RABEP1: variants seen among roughly 807,000 people sequenced by gnomAD.
RABEP1 encodes the protein rab GTPase-binding effector protein 1.
Under a neutral mutation model 123.4 loss-of-function variants are expected in RABEP1, and 51 were observed. That is an observed-to-expected ratio of 0.41 (90% CI 0.33 to 0.52). The LOEUF (loss-of-function observed/expected upper bound fraction) is 0.52, where lower values mean the gene tolerates loss of function less well. RABEP1 is among the 20% of genes least tolerant of loss of function. The probability of loss-of-function intolerance (pLI) is 0.16; values close to 1 mark genes in which losing one functional copy is unlikely to be tolerated. For synonymous variants in RABEP1, 347 were observed against 355.2 expected (o/e 0.98, Z 0.26); for missense variants, 888 against 996.3 (o/e 0.89, Z 1.46).
At position 5,367,913 on chromosome 17, in the gene RABEP1, C is replaced by A. The variant is rs146427497; in HGVS notation, c.1786-457C>A. 5.5e-3 allele frequency among the ~76,000 whole-genome samples: 834 copies of A among 151,030 alleles called. 14 individuals carry two copies. The highest frequency in any genetic ancestry group is 0.019 in the African/African-American group (788 of 41,394). On this transcript the variant is annotated intron_variant, in intron 11 of 17. Coordinates refer to ENST00000537505, the MANE Select transcript of RABEP1 (RefSeq NM_004703.6). ...TGGAATACAGGTGCCCGCCACCACA[C>A]CCAGCTAATTTTTTTTTACTTTTAG... is the stretch of plus-strand genomic sequence containing the variant.
At chr17:5,283,841 A>T (rs1324720925) in intron 1 of RABEP1, 1 of 152,208 alleles carries the variant, frequency 6.6e-6, no homozygotes, top group Non-Finnish European at 1.5e-5. Flanking sequence ...TCCAGTAAGC[A>T]TTTAGACTTT....
At chr17:5,328,010 T>A (rs1424786636) in intron 2 of RABEP1, among the ~76,000 whole-genome samples, 1 of 152,218 alleles carries the variant, frequency 6.6e-6, no homozygotes, top group Non-Finnish European at 1.5e-5. Context: ...ATATATGATA[T>A]ATTGAGACTG....
intron 1 of RABEP1, among the ~76,000 whole-genome samples, chr17:5,295,039 G>GT (rs755704708): frequency 6.6e-6 from 1 of 151,846 alleles, no homozygotes; most frequent in Non-Finnish European, 1.5e-5. Flanking sequence ...TTTATAGCAT[G>GT]TTTTTTCCCA....
At chr17:5,313,614 A>G (rs1289366389) in intron 2 of RABEP1, among the ~76,000 whole-genome samples, 1 of 152,232 alleles carries the variant, frequency 6.6e-6, no homozygotes, top group Non-Finnish European at 1.5e-5. Flanking sequence ...AGAGCTTGTA[A>G]CATGGGTTGG....
In RABEP1 at chr17:5,314,400, G is replaced by C. The variant is rs187581985; in HGVS notation, c.163+5578G>C. 1.1e-4 allele frequency among the ~76,000 whole-genome samples: 17 copies of C among 150,894 alleles called. No individual in the cohort carries two copies. In the East Asian group the frequency reaches 3.3e-3, roughly 29 times the overall value. On this transcript the variant is annotated intron_variant, in intron 2 of 17. Coordinates refer to ENST00000537505, the MANE Select transcript of RABEP1 (RefSeq NM_004703.6). ...TGGGACTACAGGCGGGTGCCACCACGCCCAGCTAGTTTTTGTATTTTTAGT... is the reference window on the plus strand; with the variant it reads ...TGGGACTACAGGCGGGTGCCACCACCCCCAGCTAGTTTTTGTATTTTTAGT...
chr17:5,381,470 C>G lies in RABEP1; in HGVS notation c.2452C>G (p.Gln818Glu). ...AGAATTAGATGTCAGTGAGCAAGTC[C>G]AGAGGGATTTTGTAAAGCTTTCACA... Reference protein sequence around the residue: ...QTELDVSEQVQRDFVKLSQTL... With the variant: ...QTELDVSEQVERDFVKLSQTL... The change falls in exon 17 of 18, where the codon CAG becomes GAG. Residue 818 changes from glutamine (Q) to glutamate (E), a missense_variant. By Grantham distance (29) the Gln-to-Glu change is conservative. Transcript: ENST00000537505. 2.5e-6 allele frequency: 4 copies of G among 1,613,576 alleles called. No individual in the cohort carries two copies. In the South Asian group the frequency reaches 4.4e-5, roughly 18 times the overall value.
At chr17:5,378,412 G>A (rs899992403) in intron 15 of RABEP1, 180 bp downstream of exon 15, 7 of 685,468 alleles carry the variant, frequency 1.0e-5, no homozygotes, top group Admixed American at 9.4e-5. Context: ...AGAGTGCCCT[G>A]TGTGTCAGGC....
chr17:5,345,501 AC>A (rs2144635462), intron 5 of RABEP1, among the ~76,000 whole-genome samples: 1 of 152,314 alleles, frequency 6.6e-6, no homozygotes, highest in African/African-American at 2.4e-5. Flanking sequence ...TATTAATTAA[AC>A]CAAATGTTTA....
At position 5,380,362 on chromosome 17, in the gene RABEP1, A is replaced by G; in HGVS notation, c.2272-2A>G. On this transcript the variant is annotated splice_acceptor_variant, in intron 15 of 17. Transcript: ENST00000537505. LOFTEE classifies it high-confidence loss of function. ...GAGTTTCAGCTTTTTCCTTTTTCAC[A>G]GTTGGAGTCCACATTAAGAGAGAAG... 1 of 1,552,228 alleles carries G rather than the reference A, an allele frequency of 6.4e-7. No homozygotes were observed. The highest frequency in any genetic ancestry group is 8.7e-7 in the Non-Finnish European group (1 of 1,144,680).
At chr17:5,282,588 C>G (rs2074936256) in intron 1 of RABEP1, 68 bp downstream of exon 1, 1 of 1,065,376 alleles carries the variant, frequency 9.4e-7, no homozygotes. Context: ...GGGAGGATTT[C>G]GGGGCGGGCA....
chr17:5,310,301 C>CTTTTTTTT (rs11432831), intron 2 of RABEP1, among the ~76,000 whole-genome samples: 11,360 of 125,040 alleles, frequency 0.091, 1,153 homozygotes, highest in East Asian at 0.11. Context: ...AAGCTTCGTC[C>CTTTTTTTT]TTTTTTTTTT....
In RABEP1 at chr17:5,386,203, G is replaced by T; in HGVS notation, c.*2980G>T. 6.2e-7 allele frequency: 1 copy of T among 1,611,538 alleles called. No homozygotes were observed. The highest frequency in any genetic ancestry group is 1.1e-5 in the South Asian group (1 of 90,772). ...TTCAGGTGTGAGTCAGCTCCTGGTG[G>T]TGTCAGAAGTTTACATGATTGCGGA... On this transcript the variant is annotated 3_prime_UTR_variant, in exon 18 of 18. Coordinates refer to ENST00000537505, the MANE Select transcript of RABEP1 (RefSeq NM_004703.6).
chr17:5,304,752 T>C (rs1484338867), intron 1 of RABEP1, among the ~76,000 whole-genome samples: 1 of 152,210 alleles, frequency 6.6e-6, no homozygotes, highest in Non-Finnish European at 1.5e-5. Flanking sequence ...AGGCTGGCAT[T>C]ACAGTAATTA....
At chr17:5,355,497 C>G (rs1021741636) in intron 8 of RABEP1, among the ~76,000 whole-genome samples, 3 of 152,190 alleles carry the variant, frequency 2.0e-5, no homozygotes, top group Non-Finnish European at 1.5e-5. Context: ...ACTTACTGCT[C>G]TCCACCTCTC....
intron 10 of RABEP1, among the ~76,000 whole-genome samples, chr17:5,363,475 C>T (rs1238445222): frequency 6.6e-6 from 1 of 152,122 alleles, no homozygotes; most frequent in Non-Finnish European, 1.5e-5. Flanking sequence ...GCCTCAGCCT[C>T]CCAAAGTGTT....
intron 1 of RABEP1, among the ~76,000 whole-genome samples, chr17:5,293,786 A>G (rs902548317): frequency 7.2e-5 from 11 of 152,194 alleles, no homozygotes; most frequent in African/African-American, 2.4e-4. Flanking sequence ...ATTTTCAAAG[A>G]TGTTCTCTGT....
At chr17:5,341,455 A>T (rs1178145617) in intron 5 of RABEP1, among the ~76,000 whole-genome samples, 20 of 152,328 alleles carry the variant, frequency 1.3e-4, no homozygotes. Flanking sequence ...AGAGTAAAAA[A>T]TCTTATTGTC....
intron 1 of RABEP1, among the ~76,000 whole-genome samples, chr17:5,299,719 C>CTTTTTT (rs146585957): frequency 0.013 from 1,271 of 98,544 alleles, 121 homozygotes; most frequent in East Asian, 0.024. Flanking sequence ...TTTTTCTTTT[C>CTTTTTT]TTTTTCTTTT....
At chr17:5,292,034 C>T (rs1177710629) in intron 1 of RABEP1, among the ~76,000 whole-genome samples, 1 of 152,228 alleles carries the variant, frequency 6.6e-6, no homozygotes, top group African/African-American at 2.4e-5. Flanking sequence ...AATCTTTGAT[C>T]TCATCTTTAT....
Sources: allele counts gnomAD v4.1 joint callset (sites outside exome capture counted in the v4.1 genomes callset), GRCh38; gene constraint gnomAD v4.1.1; transcripts MANE v1.5; gene names NCBI Gene and HGNC (gene_info 2026-07-23, HGNC 2026-07-21).